Variants in LRRC4C observed in about 807,000 individuals in gnomAD.
LRRC4C encodes the protein leucine rich repeat containing 4C.
A neutral mutation model predicts 33.6 loss-of-function variants in LRRC4C; 5 were observed. That is an observed-to-expected ratio of 0.15 (90% CI 0.08 to 0.31). LRRC4C has a LOEUF of 0.31. Ranked by LOEUF, LRRC4C falls within the 10% of genes least tolerant of loss-of-function variation. The pLI, the probability that LRRC4C is intolerant of heterozygous loss-of-function variation, is 1.00. For synonymous variants in LRRC4C, 329 were observed against 302.0 expected (o/e 1.09, Z -0.93); for missense variants, 560 against 796.7 (o/e 0.70, Z 3.58).
chr11:41,392,462 C>T (rs553499557), intron 1 of LRRC4C, among the ~76,000 whole-genome samples: 2 of 151,594 alleles, frequency 1.3e-5, no homozygotes, highest in Non-Finnish European at 2.9e-5. Context: ...CAAACAGTTA[C>T]GTGTAATAAG....
chr11:40,404,982 A>C (rs922007370), intron 3 of LRRC4C, among the ~76,000 whole-genome samples: 1 of 151,990 alleles, frequency 6.6e-6, no homozygotes, highest in African/African-American at 2.4e-5. Context: ...ATTTAGCAAA[A>C]ATTCTAAATA....
chr11:40,187,520 T>C (rs1194637266), intron 5 of LRRC4C, among the ~76,000 whole-genome samples: 1 of 151,960 alleles, frequency 6.6e-6, no homozygotes, highest in Non-Finnish European at 1.5e-5. Context: ...GTGCCTCTGA[T>C]CTTCTCTTGA....
rs1190145402 is a variant in LRRC4C at position 40,924,724 on chromosome 11, T to C, written c.-407+8911A>G. On this transcript the variant is annotated intron_variant, in intron 2 of 6. Transcript: ENST00000528697. ...ATACCTGACTTGATCGTTAACACAT[T>C]GTATCCACATATTGAAATATCATAT... Among the ~76,000 whole-genome samples, 4 of 152,256 alleles carry C rather than the reference T, an allele frequency of 2.6e-5. No individual in the cohort carries two copies. The East Asian group carries it at 7.7e-4, about 29-fold the overall frequency.
chr11:40,768,361 T>G (rs1057372864), intron 2 of LRRC4C, among the ~76,000 whole-genome samples: 2 of 152,032 alleles, frequency 1.3e-5, no homozygotes, highest in African/African-American at 2.4e-5. Context: ...ACCTGGTGGT[T>G]TCACTGATGA....
At chr11:41,263,056 C>T (rs1949034511) in intron 1 of LRRC4C, among the ~76,000 whole-genome samples, 1 of 152,084 alleles carries the variant, frequency 6.6e-6, no homozygotes, top group African/African-American at 2.4e-5. Flanking sequence ...GTTTTGGTCA[C>T]ACAGGAAATA....
chr11:41,276,964 T>G (rs1301881716), intron 1 of LRRC4C, among the ~76,000 whole-genome samples: 1 of 152,186 alleles, frequency 6.6e-6, no homozygotes, highest in African/African-American at 2.4e-5. Context: ...ATTCTATAAA[T>G]GTAAGATAGT....
rs1041587917 is a variant in LRRC4C at position 40,397,016 on chromosome 11, G to C, written c.-269-77295C>G. Among the ~76,000 whole-genome samples, 4 of 151,986 alleles carry C rather than the reference G, an allele frequency of 2.6e-5. No individual in the cohort carries two copies. The East Asian group carries it at 7.7e-4, about 29-fold the overall frequency. ...ACATATTAGAAAAAATATGACTTGAGCTTTAACATACAGTAAATTGAATAT... is the reference window on the plus strand; with the variant it reads ...ACATATTAGAAAAAATATGACTTGACCTTTAACATACAGTAAATTGAATAT... On this transcript the variant is annotated intron_variant, in intron 3 of 6. Coordinates refer to ENST00000528697, the MANE Select transcript of LRRC4C (RefSeq NM_001258419.2).
chr11:41,429,158 G>A (rs1228792006), intron 1 of LRRC4C, among the ~76,000 whole-genome samples: 2 of 152,162 alleles, frequency 1.3e-5, no homozygotes, highest in East Asian at 3.9e-4. Flanking sequence ...AGGTATAAGG[G>A]GCTTTTCCCT....
intron 1 of LRRC4C, among the ~76,000 whole-genome samples, chr11:41,418,651 A>T (rs1349997009): frequency 6.6e-6 from 1 of 152,066 alleles, no homozygotes; most frequent in Admixed American, 6.6e-5. Context: ...CAAACATATG[A>T]TAATAACATG....
chr11:41,017,899 T>A (rs1258732263), intron 1 of LRRC4C, among the ~76,000 whole-genome samples: 1 of 151,850 alleles, frequency 6.6e-6, no homozygotes, highest in Non-Finnish European at 1.5e-5. Flanking sequence ...TTCACAGAAC[T>A]ATAATTAAGC....
At chr11:40,458,664 C>A (rs1197678043) in intron 3 of LRRC4C, among the ~76,000 whole-genome samples, 1 of 152,074 alleles carries the variant, frequency 6.6e-6, no homozygotes, top group Non-Finnish European at 1.5e-5. Flanking sequence ...GCTTTTCTCA[C>A]CTAAACTTGT....
intron 3 of LRRC4C, among the ~76,000 whole-genome samples, chr11:40,552,037 T>C (rs955034489): frequency 6.6e-6 from 1 of 152,258 alleles, no homozygotes; most frequent in African/African-American, 2.4e-5. Flanking sequence ...GAAGTAATTC[T>C]ATCAGCAGAC....
At chr11:40,437,684 G>C (rs767220353) in intron 3 of LRRC4C, among the ~76,000 whole-genome samples, 1 of 151,464 alleles carries the variant, frequency 6.6e-6, no homozygotes, top group Admixed American at 6.6e-5. Flanking sequence ...GTGAGCCACC[G>C]TTCCCGGCTG....
At chr11:41,174,229 C>T (rs1026175932) in intron 1 of LRRC4C, among the ~76,000 whole-genome samples, 3 of 151,944 alleles carry the variant, frequency 2.0e-5, no homozygotes, top group Non-Finnish European at 4.4e-5. Context: ...ATGAGTTATG[C>T]AATATGAATA....
At chr11:40,432,306 C>A (rs1011659605) in intron 3 of LRRC4C, among the ~76,000 whole-genome samples, 3 of 152,090 alleles carry the variant, frequency 2.0e-5, no homozygotes, top group Non-Finnish European at 2.9e-5. Flanking sequence ...TTCTTGAAAT[C>A]CCCTCTGAAC....
rs75047273 is a variant in LRRC4C at position 40,150,560 on chromosome 11, T to C, written c.-95-9707A>G. ...GCCTCAAACTCCTGGCCTCAGCCTC[T>C]TGAGTAGTTGGGATAACAGGCACAC... On this transcript the variant is annotated intron_variant, in intron 5 of 6. Coordinates refer to ENST00000528697, the MANE Select transcript of LRRC4C (RefSeq NM_001258419.2). Among the ~76,000 whole-genome samples, 728 of 152,298 alleles carry C rather than the reference T, an allele frequency of 4.8e-3. 7 individuals are homozygous for C. Among genetic ancestry groups the C allele is most frequent in the African/African-American group, 0.016 (682 of 41,568 alleles).
chr11:40,519,376 T>C (rs1428782620), intron 3 of LRRC4C, among the ~76,000 whole-genome samples: 2 of 152,190 alleles, frequency 1.3e-5, no homozygotes, highest in East Asian at 1.9e-4. Flanking sequence ...TAAAATGTAA[T>C]GTTTCATTAC....
chr11:40,745,963 A>G (rs1047348061), intron 2 of LRRC4C, among the ~76,000 whole-genome samples: 1 of 152,202 alleles, frequency 6.6e-6, no homozygotes, highest in Non-Finnish European at 1.5e-5. Flanking sequence ...CTCCTCCACT[A>G]AGAAGAAACA....
chr11:40,325,524 A>G (rs1946053931), intron 3 of LRRC4C, among the ~76,000 whole-genome samples: 1 of 152,000 alleles, frequency 6.6e-6, no homozygotes, highest in Non-Finnish European at 1.5e-5. Flanking sequence ...GTTATTTGGG[A>G]GGCTGAGCAG....
Sources: allele counts gnomAD v4.1 joint callset (sites outside exome capture counted in the v4.1 genomes callset), GRCh38; gene constraint gnomAD v4.1.1; transcripts MANE v1.5; gene names NCBI Gene and HGNC (gene_info 2026-07-23, HGNC 2026-07-21).